Variants in FRMPD2 observed in about 807,000 individuals in gnomAD.
FRMPD2 encodes FERM and PDZ domain-containing protein 2.
A neutral mutation model predicts 140.1 loss-of-function variants in FRMPD2; 96 were observed. The ratio of observed to expected loss-of-function variants is 0.69; its 90% CI spans 0.58 to 0.81. FRMPD2 has a LOEUF of 0.81. Ranked by LOEUF, FRMPD2 falls within the 40% of genes least tolerant of loss-of-function variation. FRMPD2 has a pLI of 0.00. For synonymous variants in FRMPD2, 449 were observed against 547.6 expected (o/e 0.82, Z 2.52); for missense variants, 1,240 against 1,447.4 (o/e 0.86, Z 2.32).
intron 14 of FRMPD2, among the ~76,000 whole-genome samples, chr10:48,204,573 G>C (rs1839162986): frequency 6.6e-6 from 1 of 152,014 alleles, no homozygotes; most frequent in Non-Finnish European, 1.5e-5. Context: ...AATTTGAAAG[G>C]AAAAAAGTAT....
Position 48,231,060 on chromosome 10 carries a change from G to A in FRMPD2, c.1168+1055C>T, listed in dbSNP as rs772479738. On this transcript the variant is annotated intron_variant, in intron 10 of 28. Transcript: ENST00000374201. ...GATGTTTTTACATCAACTCCTACTT[G>A]CTGGTCATTTCCCTTCAACGTGAGA... Among the ~76,000 whole-genome samples the A allele has an allele frequency of 6.0e-4, 92 of 152,162 alleles. 1 individual carries two copies. Among genetic ancestry groups the A allele is most frequent in the Admixed American group, 4.8e-3 (74 of 15,278 alleles).
At chr10:48,162,016 A>T (rs1837954039) in intron 28 of FRMPD2, among the ~76,000 whole-genome samples, 1 of 150,576 alleles carries the variant, frequency 6.6e-6, no homozygotes, top group Admixed American at 6.6e-5. Flanking sequence ...TCAATATCCA[A>T]ACAAGTGCCT....
chr10:48,265,931 C>T (rs1840670627), intron 1 of FRMPD2, among the ~76,000 whole-genome samples: 1 of 152,162 alleles, frequency 6.6e-6, no homozygotes, highest in Non-Finnish European at 1.5e-5. Flanking sequence ...TTCATTGCAG[C>T]AGTATTCACA....
intron 15 of FRMPD2, among the ~76,000 whole-genome samples, chr10:48,195,481 A>G (rs969114658): frequency 1.3e-5 from 2 of 152,234 alleles, no homozygotes; most frequent in Non-Finnish European, 1.5e-5. Context: ...TTTACCTTCA[A>G]ATGAACAAAG....
chr10:48,208,562 G>T (rs745773756), intron 13 of FRMPD2, among the ~76,000 whole-genome samples: 1 of 152,198 alleles, frequency 6.6e-6, no homozygotes, highest in East Asian at 1.9e-4. Flanking sequence ...GTTTGCTCCT[G>T]AGTCTTCACT....
At chr10:48,243,755 G>A (rs1840180298) in intron 4 of FRMPD2, among the ~76,000 whole-genome samples, 1 of 152,134 alleles carries the variant, frequency 6.6e-6, no homozygotes, top group Non-Finnish European at 1.5e-5. Context: ...CACCCAGGAA[G>A]AGCCCGGATG....
chr10:48,181,864 T>C (rs1838558041), intron 20 of FRMPD2, among the ~76,000 whole-genome samples: 1 of 72,534 alleles, frequency 1.4e-5, no homozygotes, highest in African/African-American at 6.1e-5. Flanking sequence ...CCCTCATATA[T>C]ATATATATAT....
At chr10:48,249,214 A>T (rs1416612129) in intron 2 of FRMPD2, 36 bp from the exon 3 acceptor site, 1 of 1,602,764 alleles carries the variant, frequency 6.2e-7, no homozygotes, top group Non-Finnish European at 8.5e-7. Context: ...GTAGAGACAG[A>T]GCTTCCATCT....
At chr10:48,178,601 C>G (rs1331311797) in intron 21 of FRMPD2, among the ~76,000 whole-genome samples, 1 of 152,162 alleles carries the variant, frequency 6.6e-6, no homozygotes, top group African/African-American at 2.4e-5. Context: ...CACCATACCA[C>G]AGAGGATCAT....
intron 28 of FRMPD2, 149 bp downstream of exon 28, chr10:48,163,179 G>A (rs1342492560): frequency 6.8e-6 from 3 of 442,074 alleles, no homozygotes; most frequent in Admixed American, 2.8e-5. Flanking sequence ...CAGACTTTAT[G>A]CTTCTCTTGT....
chr10:48,182,380 T>C (rs979547635), intron 20 of FRMPD2, among the ~76,000 whole-genome samples: 3 of 152,350 alleles, frequency 2.0e-5, no homozygotes, highest in Admixed American at 6.5e-5. Context: ...AGTAGACATA[T>C]GAGCTGGGAG....
chr10:48,243,358 G>C (rs993473047), intron 4 of FRMPD2, among the ~76,000 whole-genome samples: 1 of 152,250 alleles, frequency 6.6e-6, no homozygotes, highest in Admixed American at 6.5e-5. Context: ...CTGGTGAAGG[G>C]ATCCGTGTGT....
chr10:48,237,945 T>C, intron 8 of FRMPD2, 46 bp downstream of exon 8: 3 of 1,612,666 alleles, frequency 1.9e-6, no homozygotes, highest in Non-Finnish European at 1.7e-6. Flanking sequence ...CACAGCTCCC[T>C]GCTCAAGCCT....
chr10:48,159,169 C>G lies in FRMPD2; in HGVS notation c.3882-1799G>C, dbSNP rs149952169. The stretch of plus-strand genomic sequence containing the variant: ...GAGGTCTCCATTAGCCCTGATGACA[C>G]AGCTGGGAGCCCCAGGTCTCTGCTC... On this transcript the variant is annotated intron_variant, in intron 28 of 28. Transcript: ENST00000374201. 3,055 of 456,114 alleles carry G rather than the reference C, an allele frequency of 6.7e-3. 45 individuals carry two copies. The highest frequency in any genetic ancestry group is 0.054 in the African/African-American group (2,697 of 49,826). 28.3% of individuals were successfully genotyped at this position (456,114 alleles called of 1,614,324 possible).
chr10:48,202,307 C>T (rs1588826863), intron 14 of FRMPD2, among the ~76,000 whole-genome samples: 1 of 152,254 alleles, frequency 6.6e-6, no homozygotes, highest in Middle Eastern at 3.4e-3. Context: ...GAAAGGGCTT[C>T]CGGAAACCCC....
At chr10:48,206,607 A>G in intron 14 of FRMPD2, 141 bp downstream of exon 14, 1 of 670,370 alleles carries the variant, frequency 1.5e-6, no homozygotes, top group Non-Finnish European at 2.5e-6. Flanking sequence ...ATGCATCAGA[A>G]TGCAGGTTAA....
intron 15 of FRMPD2, among the ~76,000 whole-genome samples, chr10:48,195,246 T>C (rs1304244280): frequency 6.6e-6 from 1 of 152,236 alleles, no homozygotes; most frequent in East Asian, 1.9e-4. Flanking sequence ...CAAAGGCCCA[T>C]GGGCCCCACT....
Position 48,232,192 on chromosome 10 carries a change from A to G in FRMPD2, c.1091T>C (p.Val364Ala), listed in dbSNP as rs1839865587. The G allele has an allele frequency of 6.2e-7, 1 of 1,614,204 alleles. No individual in the cohort carries two copies. The highest frequency in any genetic ancestry group is 8.5e-7 in the Non-Finnish European group (1 of 1,180,022). Residue 364 changes from valine to alanine, a missense_variant, in exon 10 of 29, where the codon GTG (valine) becomes GCG (alanine). By Grantham distance (64) the Val-to-Ala change is moderately conservative. Around this residue, in one of 6 missense-constraint regions of FRMPD2, gnomAD observed 1,161 missense variants for 1,055.9 expected, o/e 1.10. Transcript: ENST00000374201. Reference protein sequence around the residue: ...LEVKCDVESTVGAVFNAVTSF... With the variant: ...LEVKCDVESTAGAVFNAVTSF... Reference sequence around the variant, plus strand: ...TGTCACGGCATTGAAGACAGCTCCCACTGTTGATTCAACATCACATTTTAC... The same window carrying G: ...TGTCACGGCATTGAAGACAGCTCCCGCTGTTGATTCAACATCACATTTTAC...
chr10:48,230,730 C>T (rs749333102), intron 10 of FRMPD2, among the ~76,000 whole-genome samples: 45 of 152,170 alleles, frequency 3.0e-4, no homozygotes, highest in Non-Finnish European at 2.8e-4. Context: ...TTCTAATCTA[C>T]CTGTAGACTG....
Sources: allele counts gnomAD v4.1 joint callset (sites outside exome capture counted in the v4.1 genomes callset), GRCh38; gene constraint gnomAD v4.1.1; regional missense constraint gnomAD v4.1.1; transcripts MANE v1.5; gene names NCBI Gene and HGNC (gene_info 2026-07-23, HGNC 2026-07-21).